The following CCM2 variants were observed in gnomAD, a reference collection of about 807,000 sequenced individuals.
CCM2 encodes CCM2 scaffold protein, also known as cerebral cavernous malformations 2 protein.
A neutral mutation model predicts 44.9 loss-of-function variants in CCM2; 25 were observed. That is an observed-to-expected ratio of 0.56 (90% confidence interval 0.41 to 0.78). CCM2 has a LOEUF of 0.78. Among genes scored for constraint, CCM2 ranks in the 30% least tolerant of loss-of-function variants. CCM2 has a pLI of 0.00. For synonymous variants in CCM2, 219 were observed against 241.1 expected (o/e 0.91, Z 0.85); for missense variants, 481 against 580.6 (o/e 0.83, Z 1.76).
intron 1 of CCM2, among the ~76,000 whole-genome samples, chr7:45,013,625 C>T (rs924384532): frequency 1.3e-5 from 2 of 152,194 alleles, no homozygotes; most frequent in Non-Finnish European, 2.9e-5. Context: ...CATGACCCCA[C>T]CCAGACTTGC....
intron 3 of CCM2, 75 bp from the exon 4 acceptor site, chr7:45,064,388 A>G: frequency 4.2e-6 from 6 of 1,443,642 alleles, no homozygotes; most frequent in Non-Finnish European, 5.8e-6. Flanking sequence ...CGGCCAGCAC[A>G]ATATTCTCAG....
intron 1 of CCM2, among the ~76,000 whole-genome samples, chr7:45,036,719 A>C (rs552121261): frequency 1.3e-5 from 2 of 152,236 alleles, no homozygotes; most frequent in South Asian, 4.1e-4. Flanking sequence ...ACACCGTTTT[A>C]TATTGGATTT....
At chr7:45,073,046 G>C (rs61643538) in intron 7 of CCM2, 7,407 of 614,916 alleles carry the variant, frequency 0.012, 411 homozygotes, top group African/African-American at 0.12. Context: ...TAATAGGCAT[G>C]TTGGATGGAG....
At chr7:45,006,296 C>T (rs1410837164) in intron 1 of CCM2, among the ~76,000 whole-genome samples, 1 of 151,878 alleles carries the variant, frequency 6.6e-6, no homozygotes, top group African/African-American at 2.4e-5. Context: ...CCCCTACTTC[C>T]AGGACCTCAG....
chr7:45,044,926 C>T (rs17451462), intron 2 of CCM2, among the ~76,000 whole-genome samples: 20,313 of 152,096 alleles, frequency 0.13, 1,662 homozygotes, highest in Middle Eastern at 0.22. Context: ...AAACTCTAAC[C>T]GATCCCCAAG....
At chr7:45,071,934 G>T (rs1453921502) in intron 6 of CCM2, 1 of 450,522 alleles carries the variant, frequency 2.2e-6, no homozygotes, top group African/African-American at 2.0e-5. Context: ...CAATTCCAGG[G>T]ATTAGGATGT....
intron 2 of CCM2, 112 bp from the exon 3 acceptor site, chr7:45,063,806 T>TG: frequency 2.6e-6 from 2 of 781,172 alleles, no homozygotes; most frequent in Non-Finnish European, 4.6e-6. Context: ...TGGAGACCCA[T>TG]GGGCCTGGTG....
chr7:45,064,080 C>A, intron 3 of CCM2, 79 bp downstream of exon 3: 3 of 1,014,848 alleles, frequency 3.0e-6, no homozygotes, highest in Non-Finnish European at 3.1e-6. Context: ...GGCCTCGTGG[C>A]TGTGAGGAAT....
At chr7:45,058,284 T>A (rs1360311014) in intron 2 of CCM2, among the ~76,000 whole-genome samples, 1 of 152,230 alleles carries the variant, frequency 6.6e-6, no homozygotes, top group Non-Finnish European at 1.5e-5. Flanking sequence ...GGGGAAGGTA[T>A]CTAACTTTTT....
At chr7:45,058,538 C>A (rs1354589988) in intron 2 of CCM2, among the ~76,000 whole-genome samples, 1 of 137,908 alleles carries the variant, frequency 7.3e-6, no homozygotes, top group Non-Finnish European at 1.5e-5. Flanking sequence ...TGTCATTGTT[C>A]AATTCCCACC....
chr7:45,039,445 T>TC (rs1291790022), intron 2 of CCM2, among the ~76,000 whole-genome samples: 3 of 152,094 alleles, frequency 2.0e-5, no homozygotes, highest in Admixed American at 2.0e-4. Flanking sequence ...CTGAATAAAC[T>TC]CCAACAGTCA....
At chr7:45,073,688 A>G in intron 8 of CCM2, 117 bp downstream of exon 8, 1 of 689,536 alleles carries the variant, frequency 1.5e-6, no homozygotes, top group East Asian at 2.7e-5. Flanking sequence ...GAGTGAGGTC[A>G]CCTAGAGCAC....
intron 2 of CCM2, among the ~76,000 whole-genome samples, chr7:45,041,728 G>A (rs767589650): frequency 6.6e-6 from 1 of 152,222 alleles, no homozygotes; most frequent in Non-Finnish European, 1.5e-5. Context: ...AGAGAAAGTT[G>A]AATAGGGACC....
exon 1 of CCM2, chr7:45,000,194 CCGGGGCGGA>C (rs1795525258): frequency 1.9e-5 from 6 of 312,168 alleles, no homozygotes; most frequent in Non-Finnish European, 2.8e-5. Context: ...TGGGGCGCGG[CCGGGGCGGA>C]GACTTCGGGC....
intron 2 of CCM2, among the ~76,000 whole-genome samples, chr7:45,062,371 G>T (rs956044536): frequency 6.6e-6 from 1 of 152,168 alleles, no homozygotes; most frequent in African/African-American, 2.4e-5. Context: ...ATGCAGGCAG[G>T]AGCACAGCAG....
intron 1 of CCM2, among the ~76,000 whole-genome samples, chr7:45,007,643 G>A (rs1795898439): frequency 6.6e-6 from 1 of 152,126 alleles, no homozygotes; most frequent in Non-Finnish European, 1.5e-5. Flanking sequence ...TTAGATGTAT[G>A]TGCAATGAAA....
At chr7:45,037,418 C>CTTTTTT (rs11424221) in intron 1 of CCM2, among the ~76,000 whole-genome samples, 26 of 112,056 alleles carry the variant, frequency 2.3e-4, no homozygotes, top group Admixed American at 3.1e-4. Context: ...TCTCCCCCTA[C>CTTTTTT]TTTTTTTTTT....
At chr7:44,999,934 T>A (rs962562246), upstream of CCM2, 133 of 293,024 alleles carry the variant, frequency 4.5e-4, no homozygotes, top group Non-Finnish European at 7.9e-4. Context: ...CGGGGCGGGG[T>A]GGGGGTGGTG....
upstream of CCM2, among the ~76,000 whole-genome samples, chr7:45,000,027 G>A (rs1795516968): frequency 6.6e-6 from 1 of 152,052 alleles, no homozygotes; most frequent in African/African-American, 2.4e-5. Context: ...CGGGGCCAAC[G>A]GGCCGTGTTC....
Sources: gnomAD v4.1 joint callset for allele counts (sites outside exome capture counted in the v4.1 genomes callset) on GRCh38, gnomAD v4.1.1 for gene constraint, MANE v1.5 for transcripts, NCBI Gene and HGNC (gene_info 2026-07-23, HGNC 2026-07-21) for gene names.